ZNF540: variants seen among roughly 807,000 people sequenced by gnomAD.
The protein encoded by ZNF540 is zinc finger protein 540, also known as CTD-3064H18.6.
Under a neutral mutation model 11.8 loss-of-function variants are expected in ZNF540, and 3 were observed. That is an observed-to-expected ratio of 0.25 (90% CI 0.12 to 0.65). ZNF540 has a LOEUF of 0.65. ZNF540 is among the 30% of genes least tolerant of loss of function. The pLI, the probability that ZNF540 is intolerant of heterozygous loss-of-function variation, is 0.83. For synonymous variants in ZNF540, 247 were observed against 259.0 expected (o/e 0.95, Z 0.45); for missense variants, 709 against 793.1 (o/e 0.89, Z 1.27).
At chr19:37,598,764 C>T (rs17305193) in intron 2 of ZNF540, among the ~76,000 whole-genome samples, 40,597 of 151,842 alleles carry the variant, frequency 0.27, 6,456 homozygotes, top group Non-Finnish European at 0.37. Context: ...TTTGACTACA[C>T]GTAGGAAAGC....
intron 1 of ZNF540, chr19:37,563,766 C>T (rs796307330): frequency 3.8e-5 from 1 of 26,286 alleles, no homozygotes; most frequent in Non-Finnish European, 6.3e-5. Flanking sequence ...ATTCCACATA[C>T]ACACATGTGG....
chr19:37,561,537 A>G (rs368471677), intron 1 of ZNF540, among the ~76,000 whole-genome samples: 17 of 152,346 alleles, frequency 1.1e-4, no homozygotes, highest in African/African-American at 4.1e-4. Flanking sequence ...AACAAAAGAT[A>G]GTATTTTCTT....
rs911543764 is a variant in ZNF540 at position 37,595,076 on chromosome 19, G to T, written c.-92G>T. The T allele has an allele frequency of 6.6e-6, 1 of 152,204 alleles. No homozygotes were observed. Among genetic ancestry groups the T allele is most frequent in the African/African-American group, 2.4e-5 (1 of 41,426 alleles). 9.4% of individuals were successfully genotyped at this position (152,204 alleles called of 1,614,324 possible). A position where few individuals can be genotyped will look rare whatever the true frequency, so the allele number is the denominator to read the frequency against. On this transcript the variant is annotated 5_prime_UTR_variant, in exon 1 of 5. Transcript: ENST00000316433. The stretch of plus-strand genomic sequence containing the variant: ...AGGGGAATGTCATCCCGGGCTAGAA[G>T]AGCTGCAAAAGGCTGTCAGGTAAGG...
chr19:37,576,451 G>C (rs560076260), intron 1 of ZNF540, among the ~76,000 whole-genome samples: 2 of 152,098 alleles, frequency 1.3e-5, no homozygotes, highest in Non-Finnish European at 2.9e-5. Context: ...TTAGCAGCTC[G>C]TAAAACCTTA....
intron 1 of ZNF540, among the ~76,000 whole-genome samples, chr19:37,568,060 A>G (rs1229726426): frequency 6.6e-6 from 1 of 152,234 alleles, no homozygotes; most frequent in African/African-American, 2.4e-5. Flanking sequence ...ATCTTATATT[A>G]TTCCGAAGAA....
At position 37,552,205 on chromosome 19, in the gene ZNF540, T is replaced by C. The variant is rs80238494; in HGVS notation, c.-73+540T>C. On this transcript the variant is annotated intron_variant, in intron 1 of 4. Coordinates refer to the ZNF540 transcript ENST00000592533. ...TTGCAAACATTTTTTAATTTTGACA[T>C]TAATTTCTGGCTTAATTCTACTGTG... Among the ~76,000 whole-genome samples, 286 of 152,368 alleles carry C rather than the reference T, an allele frequency of 1.9e-3. 1 individual carries two copies. Among genetic ancestry groups the C allele is most frequent in the Middle Eastern group, 3.4e-3 (1 of 294 alleles).
chr19:37,565,738 T>C, intron 1 of ZNF540: 3 of 1,613,922 alleles, frequency 1.9e-6, no homozygotes, highest in South Asian at 1.1e-5. Context: ...GAATAAAAGC[T>C]TTCCCACATG....
At chr19:37,593,075 G>A (rs2043912795), upstream of ZNF540, among the ~76,000 whole-genome samples, 1 of 151,656 alleles carries the variant, frequency 6.6e-6, no homozygotes, top group African/African-American at 2.4e-5. Flanking sequence ...TAACCACCAC[G>A]CTGTTACACC....
intron 4 of ZNF540, among the ~76,000 whole-genome samples, chr19:37,605,521 G>A (rs999866492): frequency 2.6e-5 from 4 of 152,210 alleles, no homozygotes; most frequent in African/African-American, 9.6e-5. Context: ...GGTGGCGTGT[G>A]CCTGTAATCC....
chr19:37,603,705 T>C (rs1296907278), intron 4 of ZNF540, among the ~76,000 whole-genome samples: 2 of 152,244 alleles, frequency 1.3e-5, no homozygotes, highest in Non-Finnish European at 2.9e-5. Flanking sequence ...ATTTACTGTA[T>C]ACCAGATTTA....
Position 37,599,685 on chromosome 19 carries a change from G to A in ZNF540, c.69G>A (p.Leu23=), listed in dbSNP as rs1391176913. 3.1e-6 allele frequency: 5 copies of A among 1,613,574 alleles called. No individual in the cohort carries two copies. Among genetic ancestry groups the A allele is most frequent in the Non-Finnish European group, 4.2e-6 (5 of 1,179,694 alleles). The change falls in exon 3 of 5, where the codon CTG becomes CTA. Residue 23 remains leucine (L), a synonymous_variant. Coordinates refer to ENST00000316433, the MANE Select transcript of ZNF540 (RefSeq NM_001172225.3). ...IDFSQKEWEC[L]DTTQRKLYRD... ...TCTCTCAGAAGGAATGGGAGTGCCT[G>A]GACACTACCCAGAGGAAATTGTACA...
At chr19:37,564,633 A>G in intron 1 of ZNF540, 1 of 1,564,976 alleles carries the variant, frequency 6.4e-7, no homozygotes, top group Non-Finnish European at 8.6e-7. Flanking sequence ...GTAAGTTGTG[A>G]AGGACATCTA....
At chr19:37,585,440 A>T (rs948174274) in intron 1 of ZNF540, 1 of 152,290 alleles carries the variant, frequency 6.6e-6, no homozygotes, top group Non-Finnish European at 1.5e-5. Flanking sequence ...GACCAGCCTG[A>T]TAAGAATAGG....
chr19:37,565,864 A>T, intron 1 of ZNF540: 1 of 1,613,924 alleles, frequency 6.2e-7, no homozygotes, highest in Non-Finnish European at 8.5e-7. Flanking sequence ...CACCAGTCTG[A>T]ATTCTCTGAT....
At chr19:37,598,258 G>A in intron 1 of ZNF540, 118 bp from the exon 2 acceptor site, 1 of 603,344 alleles carries the variant, frequency 1.7e-6, no homozygotes, top group Non-Finnish European at 3.0e-6. Flanking sequence ...GGTGAGGGAA[G>A]TGTAGGGGAG....
chr19:37,570,970 A>AGTAG (rs1230634762), intron 1 of ZNF540, among the ~76,000 whole-genome samples: 1 of 152,210 alleles, frequency 6.6e-6, no homozygotes, highest in East Asian at 1.9e-4. Flanking sequence ...AAATTACTCT[A>AGTAG]ATTTTAAATC....
At chr19:37,589,057 G>A (rs1267940670) in intron 1 of ZNF540, among the ~76,000 whole-genome samples, 1 of 151,964 alleles carries the variant, frequency 6.6e-6, no homozygotes, top group Non-Finnish European at 1.5e-5. Flanking sequence ...AAAATTAGCT[G>A]GGTGTGGTGG....
intron 1 of ZNF540, among the ~76,000 whole-genome samples, chr19:37,571,662 T>G (rs944549310): frequency 6.6e-6 from 1 of 152,210 alleles, no homozygotes; most frequent in Non-Finnish European, 1.5e-5. Flanking sequence ...ACCAAGGGGT[T>G]ACACAGAACT....
intron 1 of ZNF540, among the ~76,000 whole-genome samples, chr19:37,579,355 G>A (rs1287873302): frequency 6.6e-6 from 1 of 152,150 alleles, no homozygotes; most frequent in Non-Finnish European, 1.5e-5. Context: ...ATTTCCCCCA[G>A]GGCCTGAGGT....
Sources: gnomAD v4.1 joint callset for allele counts (sites outside exome capture counted in the v4.1 genomes callset) on GRCh38, gnomAD v4.1.1 for gene constraint, MANE v1.5 for transcripts, NCBI Gene and HGNC (gene_info 2026-07-23, HGNC 2026-07-21) for gene names.